APPL2: variants seen among roughly 807,000 people sequenced by gnomAD.
APPL2 encodes adaptor protein, phosphotyrosine interacting with PH domain and leucine zipper 2, also known as DCC-interacting protein 13-beta.
In APPL2, 84 loss-of-function variants were observed where a neutral mutation model predicts 92.7. The ratio of observed to expected loss-of-function variants is 0.91; its 90% CI spans 0.76 to 1.09. The LOEUF is 1.09. APPL2 is among the 50% of genes least tolerant of loss of function. The probability of loss-of-function intolerance (pLI) is 0.00; values close to 1 mark genes in which losing one functional copy is unlikely to be tolerated. For synonymous variants in APPL2, 291 were observed against 291.0 expected, an observed-to-expected ratio of 1.00 and a Z score of 0.00; for missense variants, 736 against 824.5, an observed-to-expected ratio of 0.89 and a Z score of 1.31.
At chr12:105,228,374 T>C (rs767926685) in intron 2 of APPL2, among the ~76,000 whole-genome samples, 27 of 151,024 alleles carry the variant, frequency 1.8e-4, no homozygotes, top group Non-Finnish European at 3.2e-4. Flanking sequence ...ATTTCGGATT[T>C]TGGATTTTCA....
intron 7 of APPL2, 141 bp from the exon 8 acceptor site, chr12:105,207,348 C>T: frequency 1.1e-6 from 1 of 905,298 alleles, no homozygotes; most frequent in Non-Finnish European, 1.6e-6. Context: ...GGCTGCACTT[C>T]AACTTTCTAA....
chr12:105,217,268 G>A, intron 3 of APPL2, 128 bp from the exon 4 acceptor site: 1 of 623,498 alleles, frequency 1.6e-6, no homozygotes, highest in Non-Finnish European at 2.8e-6. Flanking sequence ...CCTATCAGAA[G>A]TGTCTACCTG....
chr12:105,197,913 A>C lies in APPL2; in HGVS notation c.904T>G (p.Phe302Val). ...LVTTTWERLY[F>V]FTQGGNLMCQ... is the part of the protein sequence containing the mutation. ...ATGAGATTCCCGCCTTGGGTGAAGA[A>C]ATAAAGCCTCTCCCAGGTGGTGGTG... Residue 302 changes from phenylalanine (F) to valine (V), a missense_variant, in exon 11 of 21, where the codon TTC becomes GTC. Transcript: ENST00000258530. The C allele has an allele frequency of 1.9e-6, 3 of 1,614,128 alleles. No individual in the cohort carries two copies. Among genetic ancestry groups the C allele is most frequent in the Non-Finnish European group, 8.5e-7 (1 of 1,180,016 alleles).
chr12:105,235,127 T>C (rs543593480), intron 1 of APPL2, among the ~76,000 whole-genome samples: 36 of 152,288 alleles, frequency 2.4e-4, no homozygotes, highest in Non-Finnish European at 3.4e-4. Context: ...TAAAGGCACT[T>C]ATTTAAATAA....
intron 4 of APPL2, among the ~76,000 whole-genome samples, chr12:105,214,383 G>A (rs1172042900): frequency 6.6e-6 from 1 of 152,182 alleles, no homozygotes; most frequent in Non-Finnish European, 1.5e-5. Flanking sequence ...ACTCAGGAGT[G>A]TAGTCTATTG....
At chr12:105,231,173 G>C (rs1890891130) in intron 1 of APPL2, among the ~76,000 whole-genome samples, 1 of 152,224 alleles carries the variant, frequency 6.6e-6, no homozygotes, top group Admixed American at 6.5e-5. Context: ...TCAGGAGAAT[G>C]AGAAGTGATA....
At chr12:105,219,801 A>G (rs987742558) in intron 2 of APPL2, among the ~76,000 whole-genome samples, 13 of 152,264 alleles carry the variant, frequency 8.5e-5, no homozygotes, top group African/African-American at 3.1e-4. Flanking sequence ...ATACTCAGCT[A>G]TGACTGAAAA....
At chr12:105,202,477 G>A (rs1888297733) in intron 9 of APPL2, among the ~76,000 whole-genome samples, 1 of 152,186 alleles carries the variant, frequency 6.6e-6, no homozygotes. Context: ...AAAAAATTGA[G>A]GCATAGATGG....
rs1257500852 is a variant in APPL2 at position 105,175,120 on chromosome 12, G to A, written c.1861-672C>T. Among the ~76,000 whole-genome samples the A allele has an allele frequency of 2.0e-5, 3 of 152,194 alleles. No individual in the cohort carries two copies. The East Asian group carries it at 5.8e-4, about 29-fold the overall frequency. ...GCTGGTCTTGAACTCCTGACCTCAG[G>A]TGATCCTCCTGCCTCTGCCTCCCAA... On this transcript the variant is annotated intron_variant, in intron 20 of 20. Transcript: ENST00000258530.
At chr12:105,234,506 G>A (rs1891116025) in intron 1 of APPL2, among the ~76,000 whole-genome samples, 1 of 152,170 alleles carries the variant, frequency 6.6e-6, no homozygotes, top group African/African-American at 2.4e-5. Context: ...TGTTAGAGCT[G>A]GAAATTAAGA....
intron 20 of APPL2, 62 bp downstream of exon 20, chr12:105,175,973 T>C (rs1269950499): frequency 2.1e-6 from 3 of 1,422,118 alleles, no homozygotes; most frequent in Non-Finnish European, 2.8e-6. Context: ...GAAAAGACTC[T>C]TGGTATGTGT....
chr12:105,220,938 T>C (rs1261023708), intron 2 of APPL2, among the ~76,000 whole-genome samples: 1 of 152,232 alleles, frequency 6.6e-6, no homozygotes, highest in African/African-American at 2.4e-5. Context: ...TGTTTTCCTA[T>C]GTGTAATATT....
Position 105,208,153 on chromosome 12 carries a change from C to A in APPL2, c.415+5G>T. The A allele has an allele frequency of 3.1e-6, 5 of 1,614,196 alleles. No homozygotes were observed. Among genetic ancestry groups the A allele is most frequent in the Non-Finnish European group, 4.2e-6 (5 of 1,180,012 alleles). On this transcript the variant is annotated splice_donor_5th_base_variant and intron_variant, in intron 6 of 20. Transcript: ENST00000258530. ...CCACACACCAGGAATGGAGAAGGTG[C>A]CTACCATTGCTAGCGAGTCCAAATA...
At chr12:105,195,087 C>A (rs960338869) in intron 14 of APPL2, among the ~76,000 whole-genome samples, 174 bp downstream of exon 14, 10 of 152,174 alleles carry the variant, frequency 6.6e-5, no homozygotes, top group African/African-American at 2.4e-4. Context: ...CTACCACTCA[C>A]AATGTGGTGT....
chr12:105,217,909 A>G (rs1889818589), intron 2 of APPL2, among the ~76,000 whole-genome samples, 184 bp from the exon 3 acceptor site: 1 of 152,168 alleles, frequency 6.6e-6, no homozygotes, highest in Non-Finnish European at 1.5e-5. Flanking sequence ...TTGAGACCAG[A>G]CTAGGCAACA....
chr12:105,211,283 A>C lies in APPL2; in HGVS notation c.320T>G (p.Leu107Trp). 1 of 1,614,094 alleles carries C rather than the reference A, an allele frequency of 6.2e-7. No homozygotes were observed. Among genetic ancestry groups the C allele is most frequent in the South Asian group, 1.1e-5 (1 of 91,076 alleles). The change falls in exon 5 of 21, where the codon TTG becomes TGG. Residue 107 changes from leucine to tryptophan, a missense_variant. Coordinates refer to ENST00000258530, the MANE Select transcript of APPL2 (RefSeq NM_018171.5). ...NLLHTELAKQ[L>W]ADTMVLPIIQ... is the part of the protein sequence containing the mutation. ...GATAGGTAGAACCATTGTGTCTGCC[A>C]ACTGTTTAGCCAGCTCTGTATGGAG...
At chr12:105,188,165 C>G in intron 17 of APPL2, 108 bp downstream of exon 17, 3 of 1,284,080 alleles carry the variant, frequency 2.3e-6, no homozygotes. Context: ...GGGGCAAAAG[C>G]AAGAGTAGTC....
chr12:105,209,230 A>G (rs1359661895), intron 5 of APPL2, among the ~76,000 whole-genome samples: 3 of 152,096 alleles, frequency 2.0e-5, no homozygotes, highest in Non-Finnish European at 4.4e-5. Context: ...ATAAAACACC[A>G]CTGTCTAGGC....
intron 9 of APPL2, 180 bp downstream of exon 9, chr12:105,203,523 G>GC (rs1888407310): frequency 1.6e-6 from 1 of 618,524 alleles, no homozygotes; most frequent in African/African-American, 1.8e-5. Flanking sequence ...CTGCCAATGT[G>GC]CCCCAGATAT....
Sources: gnomAD v4.1 joint callset for allele counts (sites outside exome capture counted in the v4.1 genomes callset) on GRCh38, gnomAD v4.1.1 for gene constraint, MANE v1.5 for transcripts, NCBI Gene and HGNC (gene_info 2026-07-23, HGNC 2026-07-21) for gene names.